The following PCDH9 variants were observed in gnomAD, a reference collection of about 807,000 sequenced individuals.
The protein encoded by PCDH9 is protocadherin 9.
Under a neutral mutation model 70.6 loss-of-function variants are expected in PCDH9, and 24 were observed. The ratio of observed to expected loss-of-function variants is 0.34; its 90% CI spans 0.25 to 0.48. The LOEUF (loss-of-function observed/expected upper bound fraction) is 0.48. PCDH9 is among the 20% of genes least tolerant of loss of function. PCDH9 has a pLI of 0.99. For missense variants in PCDH9, 1,281 were observed against 1,503.6 expected (o/e 0.85, Z 2.45); for synonymous variants, 562 against 558.5 (o/e 1.01, Z -0.09).
intron 2 of PCDH9, among the ~76,000 whole-genome samples, chr13:67,178,623 C>T (rs902025417): frequency 2.6e-5 from 4 of 151,996 alleles, no homozygotes; most frequent in African/African-American, 9.7e-5. Flanking sequence ...GTTTTAAACT[C>T]CTCTTAAGTG....
At chr13:67,082,790 C>T (rs565845080) in intron 2 of PCDH9, among the ~76,000 whole-genome samples, 1 of 152,224 alleles carries the variant, frequency 6.6e-6, no homozygotes, top group Non-Finnish European at 1.5e-5. Flanking sequence ...CATGTCTGTA[C>T]CTTGCTCCAA....
At chr13:66,915,530 G>A (rs1332278636) in intron 2 of PCDH9, among the ~76,000 whole-genome samples, 3 of 151,478 alleles carry the variant, frequency 2.0e-5, no homozygotes, top group Non-Finnish European at 4.4e-5. Flanking sequence ...AATTTCTGTT[G>A]GTGTTCTTAT....
At chr13:66,993,067 AT>A (rs1404751827) in intron 2 of PCDH9, among the ~76,000 whole-genome samples, 1 of 152,172 alleles carries the variant, frequency 6.6e-6, no homozygotes, top group Non-Finnish European at 1.5e-5. Context: ...GGGACAAAAA[AT>A]AATTTGCAAT....
At chr13:66,531,422 T>C (rs1370059704) in intron 4 of PCDH9, among the ~76,000 whole-genome samples, 1 of 152,126 alleles carries the variant, frequency 6.6e-6, no homozygotes, top group Non-Finnish European at 1.5e-5. Flanking sequence ...GTTTTCAATC[T>C]GGAGATCGAA....
At chr13:66,672,791 C>T (rs1460532764) in intron 3 of PCDH9, among the ~76,000 whole-genome samples, 1 of 152,172 alleles carries the variant, frequency 6.6e-6, no homozygotes, top group Non-Finnish European at 1.5e-5. Context: ...TTTGACTACC[C>T]TGCTGGATTT....
In PCDH9 at chr13:66,612,024, C is replaced by A. The variant is rs190967214; in HGVS notation, c.3340+19186G>T. On this transcript the variant is annotated intron_variant, in intron 4 of 4. Transcript: ENST00000377865. ...GTGTTAAAAGTGTATTTTATGGATT[C>A]TCCATGGATATATTTGCTGGGATAT... 2.6e-5 allele frequency among the ~76,000 whole-genome samples: 4 copies of A among 152,304 alleles called. No homozygotes were observed. The East Asian group carries it at 7.7e-4, about 29-fold the overall frequency.
At chr13:67,194,351 A>C (rs959532891) in intron 2 of PCDH9, among the ~76,000 whole-genome samples, 7 of 144,944 alleles carry the variant, frequency 4.8e-5, no homozygotes, top group Non-Finnish European at 7.6e-5. Flanking sequence ...AACTGAAATA[A>C]GTTTTTTAAC....
chr13:66,332,107 G>A (rs1955954888), intron 4 of PCDH9, among the ~76,000 whole-genome samples: 1 of 152,074 alleles, frequency 6.6e-6, no homozygotes, highest in Non-Finnish European at 1.5e-5. Flanking sequence ...TGCTCTCAGT[G>A]GCCCCACTAA....
At chr13:66,456,535 C>T (rs927078861) in intron 4 of PCDH9, among the ~76,000 whole-genome samples, 12 of 152,118 alleles carry the variant, frequency 7.9e-5, no homozygotes, top group African/African-American at 2.9e-4. Flanking sequence ...GCAGGGATTA[C>T]AGGCCTGAAT....
intron 3 of PCDH9, among the ~76,000 whole-genome samples, chr13:66,750,339 C>T (rs1338557994): frequency 6.6e-6 from 1 of 151,928 alleles, no homozygotes; most frequent in East Asian, 1.9e-4. Context: ...TTTTCAAAAA[C>T]AAGTTTTCTC....
chr13:66,865,752 A>G (rs990696999), intron 3 of PCDH9, among the ~76,000 whole-genome samples: 1 of 152,164 alleles, frequency 6.6e-6, no homozygotes, highest in Non-Finnish European at 1.5e-5. Context: ...GATCATTTTC[A>G]TTTTATACTT....
At chr13:66,674,671 T>C (rs181376655) in intron 3 of PCDH9, among the ~76,000 whole-genome samples, 1 of 152,258 alleles carries the variant, frequency 6.6e-6, no homozygotes, top group Admixed American at 6.5e-5. Flanking sequence ...ATATTTTTCT[T>C]ATCTACTCTA....
chr13:67,168,083 T>G (rs1360476263), intron 2 of PCDH9, among the ~76,000 whole-genome samples: 1 of 152,210 alleles, frequency 6.6e-6, no homozygotes, highest in Admixed American at 6.5e-5. Flanking sequence ...GAAAACATAC[T>G]GATAAAGGTA....
chr13:67,089,557 G>A (rs1265544424), intron 2 of PCDH9, among the ~76,000 whole-genome samples: 1 of 151,920 alleles, frequency 6.6e-6, no homozygotes, highest in Non-Finnish European at 1.5e-5. Context: ...CTGCCGTCAA[G>A]CAACATAGAG....
chr13:66,645,547 TCTAAAA>T (rs1477868381), intron 3 of PCDH9, among the ~76,000 whole-genome samples: 1 of 152,058 alleles, frequency 6.6e-6, no homozygotes, highest in Non-Finnish European at 1.5e-5. Flanking sequence ...AACTGATATT[TCTAAAA>T]CTAAAACATA....
intron 4 of PCDH9, among the ~76,000 whole-genome samples, chr13:66,594,053 T>C (rs2077071415): frequency 6.6e-6 from 1 of 151,780 alleles, no homozygotes; most frequent in African/African-American, 2.4e-5. Flanking sequence ...ACCACAGGAC[T>C]ACACAAAATA....
intron 4 of PCDH9, among the ~76,000 whole-genome samples, chr13:66,444,973 G>A (rs562369916): frequency 6.6e-6 from 1 of 150,636 alleles, no homozygotes; most frequent in Non-Finnish European, 1.5e-5. Flanking sequence ...TTCCTAGACA[G>A]CTTAGACTTC....
chr13:66,840,500 G>GT (rs2081098427), intron 3 of PCDH9, among the ~76,000 whole-genome samples: 1 of 152,086 alleles, frequency 6.6e-6, no homozygotes. Context: ...TTTATTTAAC[G>GT]TATCTATCTT....
chr13:66,729,243 T>C (rs2079042014), intron 3 of PCDH9, among the ~76,000 whole-genome samples: 1 of 152,076 alleles, frequency 6.6e-6, no homozygotes, highest in Admixed American at 6.6e-5. Context: ...ATTCCCAAAT[T>C]AAAAACTCTG....
Sources: allele counts gnomAD v4.1 joint callset (sites outside exome capture counted in the v4.1 genomes callset), GRCh38; gene constraint gnomAD v4.1.1; transcripts MANE v1.5; gene names NCBI Gene and HGNC (gene_info 2026-07-23, HGNC 2026-07-21).